Variants in WDPCP observed in about 807,000 individuals in gnomAD.
WDPCP encodes WD repeat-containing and planar cell polarity effector protein fritz homolog.
WDPCP carries 71 observed loss-of-function variants against 93.1 expected under a neutral mutation model. That is an observed-to-expected ratio of 0.76 (90% CI 0.63 to 0.93). The LOEUF (loss-of-function observed/expected upper bound fraction) is 0.93, where lower values mean the gene tolerates loss of function less well. WDPCP is among the 40% of genes least tolerant of loss of function. The pLI is 0.00. For missense variants in WDPCP, 844 were observed against 887.4 expected, an observed-to-expected ratio of 0.95 and a Z score of 0.62; for synonymous variants, 315 against 315.0, an observed-to-expected ratio of 1.00 and a Z score of 0.00.
rs550734534 is a variant in WDPCP, at chr2:63,475,375, A to G, written c.384+9229T>C. ...AGTCCAGCTATGTCCAGTCTCCTTT[A>G]TGAAATCTTAACCAACTACTTTAAT... On this transcript the variant is annotated intron_variant, in intron 6 of 17. Transcript: ENST00000272321. 2.6e-5 allele frequency among the ~76,000 whole-genome samples: 4 copies of G among 152,208 alleles called. 1 individual carries two copies. In the South Asian group the frequency reaches 8.3e-4, roughly 32 times the overall value.
intron 10 of WDPCP, among the ~76,000 whole-genome samples, chr2:63,402,243 A>T (rs1331872043): frequency 1.3e-5 from 2 of 152,190 alleles, no homozygotes; most frequent in African/African-American, 4.8e-5. Context: ...ACATTTTCTC[A>T]TTCATAAGTG....
At chr2:63,276,695 A>C (rs1226325588) in intron 13 of WDPCP, among the ~76,000 whole-genome samples, 1 of 152,224 alleles carries the variant, frequency 6.6e-6, no homozygotes, top group East Asian at 1.9e-4. Flanking sequence ...AATAATTTAT[A>C]AATGTGAAGA....
intron 12 of WDPCP, among the ~76,000 whole-genome samples, chr2:63,340,239 A>G (rs894977441): frequency 6.6e-6 from 1 of 152,190 alleles, no homozygotes; most frequent in African/African-American, 2.4e-5. Flanking sequence ...CAGCTATAGT[A>G]AATGATCAGA....
At chr2:63,330,875 T>A (rs1310532733) in intron 12 of WDPCP, among the ~76,000 whole-genome samples, 1 of 148,994 alleles carries the variant, frequency 6.7e-6, no homozygotes, top group East Asian at 2.0e-4. Flanking sequence ...GGCTTTTTTT[T>A]TTTTTTTTTT....
chr2:63,728,600 A>T (rs1669520771), intron 2 of WDPCP, among the ~76,000 whole-genome samples: 1 of 152,200 alleles, frequency 6.6e-6, no homozygotes, highest in Non-Finnish European at 1.5e-5. Flanking sequence ...GGAAGTAAAT[A>T]TATAATTATC....
At chr2:63,534,766 C>G (rs1353736830) in intron 1 of WDPCP, among the ~76,000 whole-genome samples, 1 of 152,150 alleles carries the variant, frequency 6.6e-6, no homozygotes, top group Non-Finnish European at 1.5e-5. Context: ...ACTGAATGGG[C>G]AAAAACTGGA....
At chr2:63,311,914 T>C (rs1217109367) in intron 13 of WDPCP, among the ~76,000 whole-genome samples, 2 of 152,028 alleles carry the variant, frequency 1.3e-5, no homozygotes, top group African/African-American at 4.8e-5. Context: ...ACTGAAACTA[T>C]AGACATAAAA....
At chr2:63,160,580 T>C (rs1177453294) in intron 15 of WDPCP, among the ~76,000 whole-genome samples, 1 of 152,200 alleles carries the variant, frequency 6.6e-6, no homozygotes, top group Non-Finnish European at 1.5e-5. Context: ...TGGGTTAATT[T>C]ATTATCCTAA....
intron 12 of WDPCP, among the ~76,000 whole-genome samples, chr2:63,339,830 G>A (rs1223471300): frequency 6.6e-6 from 1 of 152,132 alleles, no homozygotes; most frequent in African/African-American, 2.4e-5. Context: ...CTGTGGGTTT[G>A]TCATAGATGG....
At chr2:63,396,971 A>G (rs149198199) in intron 10 of WDPCP, among the ~76,000 whole-genome samples, 1 of 152,268 alleles carries the variant, frequency 6.6e-6, no homozygotes, top group Admixed American at 6.5e-5. Context: ...ATCTCCATCC[A>G]TGTTCCCACA....
chr2:63,183,854 A>G (rs997709071), intron 14 of WDPCP, among the ~76,000 whole-genome samples: 17 of 152,030 alleles, frequency 1.1e-4, no homozygotes, highest in Non-Finnish European at 1.8e-4. Context: ...TGTAGAATTG[A>G]TCCCTTTACA....
intron 2 of WDPCP, chr2:63,717,712 TTGA>T: frequency 2.2e-6 from 1 of 459,082 alleles, no homozygotes; most frequent in Non-Finnish European, 4.3e-6. Flanking sequence ...TGGCCCAACG[TTGA>T]TGCCCACAGT....
At chr2:63,792,438 A>G (rs962851332) in intron 2 of WDPCP, among the ~76,000 whole-genome samples, 4 of 152,190 alleles carry the variant, frequency 2.6e-5, no homozygotes, top group Non-Finnish European at 1.5e-5. Flanking sequence ...CTCCCTCGAC[A>G]CATGGGATTA....
chr2:63,199,546 T>TA (rs997315271), intron 14 of WDPCP, among the ~76,000 whole-genome samples: 1 of 152,216 alleles, frequency 6.6e-6, no homozygotes, highest in African/African-American at 2.4e-5. Context: ...GTACAAGCCC[T>TA]AAGCCTTGGT....
chr2:63,282,500 G>A (rs892244795), intron 13 of WDPCP, among the ~76,000 whole-genome samples: 2 of 152,128 alleles, frequency 1.3e-5, no homozygotes, highest in Admixed American at 1.3e-4. Context: ...GCGAGACTCT[G>A]TCTCATAAAT....
At chr2:63,494,595 G>C (rs1701103545) in intron 1 of WDPCP, among the ~76,000 whole-genome samples, 1 of 152,110 alleles carries the variant, frequency 6.6e-6, no homozygotes, top group African/African-American at 2.4e-5. Flanking sequence ...AGAGTTGTGG[G>C]AGGGAGTATA....
chr2:63,515,274 TC>T (rs1483183612), intron 1 of WDPCP, among the ~76,000 whole-genome samples: 5 of 152,142 alleles, frequency 3.3e-5, no homozygotes, highest in African/African-American at 4.8e-5. Flanking sequence ...AACTATACAT[TC>T]TCTTTTGATG....
intron 14 of WDPCP, among the ~76,000 whole-genome samples, chr2:63,201,180 CT>C (rs1206100890): frequency 6.6e-6 from 1 of 152,166 alleles, no homozygotes; most frequent in Non-Finnish European, 1.5e-5. Context: ...CCTTCACTCT[CT>C]TCCTCCTGCT....
At chr2:63,838,935 T>A in the WDPCP span, among the ~76,000 whole-genome samples, 3 of 152,188 alleles carry the variant, frequency 2.0e-5, no homozygotes, top group Admixed American at 6.5e-5. Flanking sequence ...TTTATACCGA[T>A]GTATAAAGAA....
Sources: allele counts gnomAD v4.1 joint callset (sites outside exome capture counted in the v4.1 genomes callset), GRCh38; gene constraint gnomAD v4.1.1; transcripts MANE v1.5; gene names NCBI Gene and HGNC (gene_info 2026-07-23, HGNC 2026-07-21).